The following NTMT1 variants were observed in gnomAD, a reference collection of about 807,000 sequenced individuals.
NTMT1 encodes the protein N-terminal Xaa-Pro-Lys N-methyltransferase 1.
In NTMT1, 8 loss-of-function variants were observed where a neutral mutation model predicts 17.5. The ratio of observed to expected loss-of-function variants is 0.46; its 90% CI spans 0.27 to 0.82. NTMT1 has a LOEUF of 0.82. Among genes scored for constraint, NTMT1 ranks in the 40% least tolerant of loss-of-function variants. NTMT1 has a pLI of 0.15. For missense variants in NTMT1, 221 were observed against 303.5 expected (o/e 0.73, Z 2.02); for synonymous variants, 128 against 126.8 (o/e 1.01, Z -0.06).
At chr9:129,617,211 A>G (rs188184162) in intron 1 of NTMT1, among the ~76,000 whole-genome samples, 6 of 152,328 alleles carry the variant, frequency 3.9e-5, no homozygotes, top group African/African-American at 1.4e-4. Context: ...ATCTGACCAC[A>G]TCTGTATGTC....
At chr9:129,615,499 C>T in intron 1 of NTMT1, 1 of 1,600,798 alleles carries the variant, frequency 6.2e-7, no homozygotes. Context: ...CGTCTGCGCT[C>T]CCAGTAGCGG....
At chr9:129,619,900 G>T (rs1200641966) in intron 1 of NTMT1, 2 of 1,547,568 alleles carry the variant, frequency 1.3e-6, no homozygotes, top group African/African-American at 2.7e-5. Flanking sequence ...TGGCCTCGGG[G>T]TGATGGCAGA....
At position 129,612,405 on chromosome 9, in the gene NTMT1, C is replaced by T. The variant is rs777879616; in HGVS notation, c.-55+3227C>T. ...CAGGAGGAGATGGTACCCCTTAGGGCAGCCTTGCTTCAGGACCGACTGCAG... is the reference window on the plus strand; with the variant it reads ...CAGGAGGAGATGGTACCCCTTAGGGTAGCCTTGCTTCAGGACCGACTGCAG... On this transcript the variant is annotated intron_variant, in intron 1 of 3. Transcript: ENST00000372486. 4.3e-6 allele frequency: 7 copies of T among 1,612,902 alleles called. No homozygotes were observed. In the East Asian group the frequency reaches 1.3e-4, roughly 31 times the overall value.
At chr9:129,615,985 G>A (rs576014535) in intron 1 of NTMT1, among the ~76,000 whole-genome samples, 22 of 152,338 alleles carry the variant, frequency 1.4e-4, no homozygotes, top group Non-Finnish European at 2.5e-4. Flanking sequence ...TTCCAGAGCT[G>A]GCGCCCTCGC....
In NTMT1 at chr9:129,635,548, C is replaced by T. The variant is rs997440678; in HGVS notation, c.*84C>T. On this transcript the variant is annotated 3_prime_UTR_variant, in exon 4 of 4. Coordinates refer to ENST00000372483, the MANE Select transcript of NTMT1 (RefSeq NM_014064.4). ...GGGCAAGATCCAGGCGCCACGCTGG[C>T]GGTTCGTGAGTGTCGAGGCACCACT... The T allele has an allele frequency of 9.4e-6, 14 of 1,486,884 alleles. No individual in the cohort carries two copies. Among genetic ancestry groups the T allele is most frequent in the African/African-American group, 2.8e-5 (2 of 72,058 alleles). 92.1% of individuals were successfully genotyped at this position (1,486,884 alleles called of 1,614,324 possible). A position where few individuals can be genotyped will look rare whatever the true frequency, so the allele number is the denominator to read the frequency against.
rs558203845 is a variant in NTMT1 at position 129,626,270 on chromosome 9, C to T, written c.-80C>T. 2 of 152,268 alleles carry T rather than the reference C, an allele frequency of 1.3e-5. No individual in the cohort carries two copies. Among genetic ancestry groups the T allele is most frequent in the Non-Finnish European group, 2.9e-5 (2 of 68,098 alleles). The allele number at this position is 152,268 out of a possible 1,614,324, so 9.4% of individuals were successfully genotyped here. A position where few individuals can be genotyped will look rare whatever the true frequency, so the allele number is the denominator to read the frequency against. ...CCCTTCCTCTTCCCCATCTTCTTCT[C>T]TCGGTCCCGGGAGCCCCCGCCCGGA... On this transcript the variant is annotated 5_prime_UTR_variant, in exon 1 of 4. Transcript: ENST00000372483.
At chr9:129,629,208 C>G (rs1384994850) in intron 1 of NTMT1, among the ~76,000 whole-genome samples, 1 of 152,052 alleles carries the variant, frequency 6.6e-6, no homozygotes, top group African/African-American at 2.4e-5. Flanking sequence ...CATGGTTGCT[C>G]CGGTACCTGC....
chr9:129,634,241 G>T lies in NTMT1; in HGVS notation c.350G>T (p.Cys117Phe). The T allele has an allele frequency of 6.2e-7, 1 of 1,614,074 alleles. No individual in the cohort carries two copies. Among genetic ancestry groups the T allele is most frequent in the Non-Finnish European group, 8.5e-7 (1 of 1,180,000 alleles). The stretch of plus-strand genomic sequence containing the variant: ...AAGAGGGTGAGGAACTACTTCTGTT[G>T]TGGGCTCCAGGACTTCACCCCGGAG... ...EGKRVRNYFC[C>F]GLQDFTPEPD... Residue 117 changes from cysteine (C) to phenylalanine (F), a missense_variant, in exon 3 of 4, where the codon TGT becomes TTT. By Grantham distance (205) the Cys-to-Phe change is radical (BLOSUM62 -2). Transcript: ENST00000372483.
chr9:129,622,734 A>C (rs552893717), upstream of NTMT1, among the ~76,000 whole-genome samples: 3 of 150,800 alleles, frequency 2.0e-5, no homozygotes, highest in East Asian at 5.8e-4. Context: ...CTGTCTCACA[A>C]AAAAAAAAGA....
chr9:129,635,464 A>T lies in NTMT1; in HGVS notation c.672A>T (p.Ter224CysextTer8), dbSNP rs1265496702. Residue 224 changes from the stop codon to cysteine (C), a stop_lost, in exon 4 of 4, where the codon TGA becomes TGT. Coordinates refer to ENST00000372483, the MANE Select transcript of NTMT1 (RefSeq NM_014064.4). ...ATGTCTATAGCTTTGCCCTGAGATGAGCCGGGGCTGGCAGGAGAAACTGAG... is the reference window on the plus strand; with the variant it reads ...ATGTCTATAGCTTTGCCCTGAGATGTGCCGGGGCTGGCAGGAGAAACTGAG... ...IYHVYSFALR[*>C] 1 of 1,604,278 alleles carries T rather than the reference A, an allele frequency of 6.2e-7. No individual in the cohort carries two copies. Among genetic ancestry groups the T allele is most frequent in the Non-Finnish European group, 8.5e-7 (1 of 1,172,998 alleles).
chr9:129,612,542 G>C, intron 1 of NTMT1: 1 of 994,584 alleles, frequency 1.0e-6, no homozygotes. Context: ...CTGAAGCCCT[G>C]TTGGGCAGGT....
chr9:129,615,827 A>G (rs1830349602), intron 1 of NTMT1, among the ~76,000 whole-genome samples: 1 of 152,242 alleles, frequency 6.6e-6, no homozygotes, highest in Non-Finnish European at 1.5e-5. Context: ...AGGCAGGCTC[A>G]AGCACGCACA....
intron 1 of NTMT1, among the ~76,000 whole-genome samples, chr9:129,609,812 G>C (rs903533003): frequency 1.3e-5 from 2 of 152,034 alleles, no homozygotes; most frequent in Non-Finnish European, 2.9e-5. Context: ...GAGGCGTCTG[G>C]GCCTCCAGGG....
intron 1 of NTMT1, chr9:129,612,985 T>C: frequency 7.8e-7 from 1 of 1,281,492 alleles, no homozygotes; most frequent in Non-Finnish European, 1.1e-6. Flanking sequence ...CCACGGTGAC[T>C]TGGCTCTCAG....
intron 1 of NTMT1, among the ~76,000 whole-genome samples, chr9:129,617,295 C>G (rs1433765048): frequency 6.6e-6 from 1 of 152,206 alleles, no homozygotes; most frequent in East Asian, 1.9e-4. Context: ...AGGACAGTGC[C>G]TGGCTACATG....
intron 1 of NTMT1, among the ~76,000 whole-genome samples, chr9:129,631,824 C>T (rs535722385): frequency 2.6e-5 from 4 of 152,356 alleles, no homozygotes; most frequent in Non-Finnish European, 4.4e-5. Flanking sequence ...CCCGACTCCA[C>T]TTCCTCCCTC....
rs1489805019 is a variant in NTMT1 at position 129,620,499 on chromosome 9, G to A, written c.-55+11321G>A. On this transcript the variant is annotated intron_variant, in intron 1 of 3. Transcript: ENST00000372486. This position sits in a 1 kb window ranked among gnomAD's most constrained non-coding sequence, Gnocchi z 5.8. ...TTGGGCAGCCGCGGGTCGCTGCTGC[G>A]TCGGAAGTCTCCGTCGCCAGGGAGC... The A allele has an allele frequency of 2.1e-6, 3 of 1,423,620 alleles. No homozygotes were observed. The highest frequency in any genetic ancestry group is 1.5e-5 in the South Asian group (1 of 68,796). The allele number at this position is 1,423,620 out of a possible 1,614,324, so 88.2% of individuals were successfully genotyped here. A position where few individuals can be genotyped will look rare whatever the true frequency, so the allele number is the denominator to read the frequency against.
At chr9:129,631,254 C>T (rs948784158) in intron 1 of NTMT1, among the ~76,000 whole-genome samples, 2 of 152,232 alleles carry the variant, frequency 1.3e-5, no homozygotes, top group Admixed American at 6.5e-5. Flanking sequence ...CCTTATTTTT[C>T]TGCTGTGTAT....
intron 1 of NTMT1, among the ~76,000 whole-genome samples, chr9:129,617,346 C>T (rs1290520645): frequency 6.6e-6 from 1 of 152,204 alleles, no homozygotes; most frequent in Non-Finnish European, 1.5e-5. Flanking sequence ...GCTCAGGAAC[C>T]CCTGCTCTCT....
Sources: allele counts gnomAD v4.1 joint callset (sites outside exome capture counted in the v4.1 genomes callset), GRCh38; gene constraint gnomAD v4.1.1; non-coding constraint Gnocchi (gnomAD v3.1); transcripts MANE v1.5; gene names NCBI Gene and HGNC (gene_info 2026-07-23, HGNC 2026-07-21).